ZHX3: variants seen among roughly 807,000 people sequenced by gnomAD.
The protein encoded by ZHX3 is zinc fingers and homeoboxes protein 3.
In ZHX3, 20 loss-of-function variants were observed where a neutral mutation model predicts 64.5. The observed-to-expected ratio is 0.31, with a 90% CI of 0.22 to 0.45. ZHX3 has a LOEUF of 0.45. Ranked by LOEUF, ZHX3 falls within the 20% of genes least tolerant of loss-of-function variation. ZHX3 has a pLI of 1.00. For missense variants in ZHX3, 1,041 were observed against 1,195.8 expected (o/e 0.87, Z 1.91); for synonymous variants, 423 against 461.6 (o/e 0.92, Z 1.07).
chr20:41,289,419 T>C (rs763902259), intron 1 of ZHX3, among the ~76,000 whole-genome samples: 3 of 149,218 alleles, frequency 2.0e-5, no homozygotes, highest in African/African-American at 5.2e-5. Flanking sequence ...AATGAGTGGT[T>C]CCAAAGTCAC....
chr20:41,208,515 T>G lies in ZHX3; in HGVS notation c.-150-3449A>C, dbSNP rs1208219967. 2.0e-5 allele frequency among the ~76,000 whole-genome samples: 3 copies of G among 152,196 alleles called. No individual in the cohort carries two copies. The East Asian group carries it at 5.8e-4, about 29-fold the overall frequency. On this transcript the variant is annotated intron_variant, in intron 2 of 3. Coordinates refer to ENST00000683867, the MANE Select transcript of ZHX3 (RefSeq NM_001384317.1). ...ACCACGACCAAGTTGGCTTCATACC[T>G]GGGATGCAAGGCTGGTTCAACATAT...
At chr20:41,280,364 T>C (rs2043615900) in intron 1 of ZHX3, among the ~76,000 whole-genome samples, 3 of 152,198 alleles carry the variant, frequency 2.0e-5, no homozygotes. Context: ...AAGAGGGATC[T>C]AGGCATTTGT....
At chr20:41,230,666 T>C (rs1041174250) in intron 2 of ZHX3, among the ~76,000 whole-genome samples, 22 of 152,238 alleles carry the variant, frequency 1.4e-4, no homozygotes, top group African/African-American at 4.8e-4. Context: ...TAAATTGGGT[T>C]AAATAAAATG....
chr20:41,220,417 T>C (rs2039856003), intron 2 of ZHX3, among the ~76,000 whole-genome samples: 1 of 152,248 alleles, frequency 6.6e-6, no homozygotes, highest in Non-Finnish European at 1.5e-5. Flanking sequence ...ATGTGGTAGA[T>C]TTCCTATGAA....
At chr20:41,262,068 G>A (rs1726853698) in intron 2 of ZHX3, among the ~76,000 whole-genome samples, 1 of 152,088 alleles carries the variant, frequency 6.6e-6, no homozygotes, top group African/African-American at 2.4e-5. Context: ...TCTCCACCAT[G>A]GCAGGCATTG....
intron 2 of ZHX3, among the ~76,000 whole-genome samples, chr20:41,240,751 G>A (rs146303729): frequency 6.6e-6 from 1 of 152,186 alleles, no homozygotes; most frequent in African/African-American, 2.4e-5. Context: ...ACAAATAACT[G>A]AGAACATGCA....
chr20:41,304,324 A>C (rs2044910789), intron 1 of ZHX3, among the ~76,000 whole-genome samples: 1 of 152,148 alleles, frequency 6.6e-6, no homozygotes, highest in Non-Finnish European at 1.5e-5. Flanking sequence ...GTAGCTGTGG[A>C]AGTGTAGCTA....
At chr20:41,297,146 A>G (rs1208592175) in intron 1 of ZHX3, among the ~76,000 whole-genome samples, 1 of 152,236 alleles carries the variant, frequency 6.6e-6, no homozygotes, top group Non-Finnish European at 1.5e-5. Context: ...TATATCTTGA[A>G]TCAACACAAG....
chr20:41,242,828 A>T (rs770555530), intron 2 of ZHX3, among the ~76,000 whole-genome samples: 1 of 152,174 alleles, frequency 6.6e-6, no homozygotes, highest in African/African-American at 2.4e-5. Flanking sequence ...TAATTAAGTG[A>T]TTTTTATAAC....
chr20:41,197,999 C>CTTTT (rs11478855), intron 3 of ZHX3, among the ~76,000 whole-genome samples: 37 of 110,386 alleles, frequency 3.4e-4, no homozygotes, highest in East Asian at 7.4e-4. Context: ...AACTAGTGCT[C>CTTTT]TTTTTTTTTT....
chr20:41,277,207 T>C (rs902827342), intron 1 of ZHX3, among the ~76,000 whole-genome samples: 1 of 152,212 alleles, frequency 6.6e-6, no homozygotes, highest in Non-Finnish European at 1.5e-5. Flanking sequence ...GGTGTACTTG[T>C]AGTCCCAGTT....
At chr20:41,311,308 TC>T (rs777460736) in intron 1 of ZHX3, among the ~76,000 whole-genome samples, 8 of 152,160 alleles carry the variant, frequency 5.3e-5, no homozygotes, top group Non-Finnish European at 1.2e-4. Context: ...CCTCAAAAGA[TC>T]CTATGAGATA....
chr20:41,265,983 T>C (rs2042825178), intron 2 of ZHX3, among the ~76,000 whole-genome samples: 1 of 152,102 alleles, frequency 6.6e-6, no homozygotes. Context: ...AACAGAACAA[T>C]GGTAGCAATA....
intron 1 of ZHX3, among the ~76,000 whole-genome samples, chr20:41,312,982 T>A (rs1369649753): frequency 6.6e-6 from 1 of 151,992 alleles, no homozygotes; most frequent in East Asian, 1.9e-4. Flanking sequence ...CAGGGAATCA[T>A]CCATCTGAGA....
At chr20:41,265,777 A>G (rs2042814468) in intron 2 of ZHX3, among the ~76,000 whole-genome samples, 1 of 152,232 alleles carries the variant, frequency 6.6e-6, no homozygotes, top group Non-Finnish European at 1.5e-5. Flanking sequence ...ATACAAAGTA[A>G]AAAAGTATTA....
At chr20:41,308,918 G>A (rs1482553061) in intron 1 of ZHX3, among the ~76,000 whole-genome samples, 2 of 152,054 alleles carry the variant, frequency 1.3e-5, no homozygotes, top group African/African-American at 2.4e-5. Flanking sequence ...TAAGCATGCT[G>A]GTTTATGACG....
chr20:41,192,495 C>T lies in ZHX3; in HGVS notation c.2861-7294G>A, dbSNP rs80019231. ...CAGGGTTGCTGGCCAGTGGGGAATGCATGTGCCACTCACACCTCACTCAGC... is the reference window on the plus strand; with the variant it reads ...CAGGGTTGCTGGCCAGTGGGGAATGTATGTGCCACTCACACCTCACTCAGC... On this transcript the variant is annotated intron_variant, in intron 3 of 3. Coordinates refer to ENST00000683867, the MANE Select transcript of ZHX3 (RefSeq NM_001384317.1). Among the ~76,000 whole-genome samples, 6,650 of 152,322 alleles carry T rather than the reference C, an allele frequency of 0.044. 757 individuals are homozygous for T. The East Asian group carries it at 0.48, about 11-fold the overall frequency.
At chr20:41,275,279 G>C (rs554782926) in intron 1 of ZHX3, among the ~76,000 whole-genome samples, 2 of 152,274 alleles carry the variant, frequency 1.3e-5, no homozygotes, top group East Asian at 1.9e-4. Flanking sequence ...TATATTTTGC[G>C]ATCTATAATG....
intron 1 of ZHX3, among the ~76,000 whole-genome samples, chr20:41,279,190 G>A (rs144133045): frequency 6.6e-6 from 1 of 152,206 alleles, no homozygotes; most frequent in East Asian, 1.9e-4. Context: ...AGTTTTAAAG[G>A]CCCATATTGC....
Sources: allele counts gnomAD v4.1 joint callset (sites outside exome capture counted in the v4.1 genomes callset), GRCh38; gene constraint gnomAD v4.1.1; transcripts MANE v1.5; gene names NCBI Gene and HGNC (gene_info 2026-07-23, HGNC 2026-07-21).